Variants in ARMH1 observed in about 807,000 individuals in gnomAD.
ARMH1 encodes armadillo like helical domain containing 1.
A neutral mutation model predicts 50.2 loss-of-function variants in ARMH1; 34 were observed. The ratio of observed to expected loss-of-function variants is 0.68; its 90% CI spans 0.51 to 0.90. The LOEUF is 0.90. ARMH1 is among the 40% of genes least tolerant of loss of function. ARMH1 has a pLI of 0.00. For synonymous variants in ARMH1, 221 were observed against 224.2 expected (o/e 0.99, Z 0.13); for missense variants, 538 against 553.9 (o/e 0.97, Z 0.29).
intron 2 of ARMH1, among the ~76,000 whole-genome samples, chr1:44,691,543 G>A (rs1025690742): frequency 1.3e-5 from 2 of 151,960 alleles, no homozygotes; most frequent in African/African-American, 2.4e-5. Flanking sequence ...TGCATTTCCC[G>A]CTCTTCTTCA....
chr1:44,684,349 A>C (rs984491077), intron 1 of ARMH1: 3 of 152,228 alleles, frequency 2.0e-5, no homozygotes, highest in Admixed American at 2.0e-4. Context: ...TTAATTAAAT[A>C]TACTTAATGT....
At chr1:44,711,614 T>C (rs1480337457) in intron 6 of ARMH1, among the ~76,000 whole-genome samples, 2 of 152,236 alleles carry the variant, frequency 1.3e-5, no homozygotes, top group Non-Finnish European at 2.9e-5. Context: ...TTCACCTTCT[T>C]GATAATGTCC....
chr1:44,702,348 C>T (rs1026426105), intron 5 of ARMH1, among the ~76,000 whole-genome samples: 1 of 152,058 alleles, frequency 6.6e-6, no homozygotes, highest in African/African-American at 2.4e-5. Flanking sequence ...AGGTGTTTAC[C>T]AATCGAGAAT....
chr1:44,701,202 G>A (rs979124761), intron 5 of ARMH1, 83 bp downstream of exon 5: 8 of 1,343,392 alleles, frequency 6.0e-6, no homozygotes, highest in Non-Finnish European at 8.0e-6. Flanking sequence ...TCTCCACACA[G>A]GCATGAGAAA....
Position 44,701,099 on chromosome 1 carries a change from C to T in ARMH1, c.619C>T (p.Gln207Ter), listed in dbSNP as rs774401018. Residue 207 changes from glutamine (Q) to a stop codon, truncating the protein, a stop_gained, in exon 5 of 12, where the codon CAG becomes TAG. Coordinates refer to ENST00000535358, the MANE Select transcript of ARMH1 (RefSeq NM_001145636.2). LOFTEE classifies it high-confidence loss of function. The stretch of plus-strand genomic sequence containing the variant: ...CCCAAAAGCCCAGCAGCTGTCCCTG[C>T]AGACTCTCAGGACTGCCCAGGTGAG... ...ESPKAQQLSLQTLRTAQPIIG... is the reference protein window; with the variant it reads ...ESPKAQQLSL 3.0e-5 allele frequency: 46 copies of T among 1,550,986 alleles called. No homozygotes were observed. The highest frequency in any genetic ancestry group is 3.8e-5 in the Non-Finnish European group (43 of 1,146,620).
intron 6 of ARMH1, among the ~76,000 whole-genome samples, chr1:44,709,048 T>C (rs562263267): frequency 6.6e-6 from 1 of 152,268 alleles, no homozygotes; most frequent in South Asian, 2.1e-4. Context: ...CATTTAGGGA[T>C]GTACACCCCT....
chr1:44,700,775 G>C, intron 4 of ARMH1, 148 bp from the exon 5 acceptor site: 1 of 616,168 alleles, frequency 1.6e-6, no homozygotes, highest in Non-Finnish European at 2.8e-6. Flanking sequence ...ACAAGACAGT[G>C]ATGCAACATG....
intron 5 of ARMH1, among the ~76,000 whole-genome samples, chr1:44,703,176 A>G (rs1236157488): frequency 6.6e-6 from 1 of 152,140 alleles, no homozygotes; most frequent in African/African-American, 2.4e-5. Context: ...GAGGAAGAGA[A>G]GATTTTAGGA....
chr1:44,688,291 C>T (rs1645541510), intron 1 of ARMH1: 1 of 152,290 alleles, frequency 6.6e-6, no homozygotes. Context: ...TGGAAGCACG[C>T]ATCCCATGTC....
intron 6 of ARMH1, among the ~76,000 whole-genome samples, chr1:44,715,785 C>T (rs531706100): frequency 7.2e-5 from 11 of 152,318 alleles, no homozygotes; most frequent in African/African-American, 2.6e-4. Flanking sequence ...GTCTTCAACT[C>T]CTGGCCTCAA....
chr1:44,710,082 C>T (rs1329541820), intron 6 of ARMH1, among the ~76,000 whole-genome samples: 3 of 152,102 alleles, frequency 2.0e-5, no homozygotes, highest in Admixed American at 1.3e-4. Flanking sequence ...AGCGAACTCT[C>T]GCACTAACAC....
chr1:44,684,122 G>A (rs1645394228), intron 1 of ARMH1, among the ~76,000 whole-genome samples: 1 of 152,070 alleles, frequency 6.6e-6, no homozygotes, highest in Non-Finnish European at 1.5e-5. Context: ...CCTTCACCAG[G>A]AAACACAGCT....
intron 4 of ARMH1, among the ~76,000 whole-genome samples, chr1:44,700,238 G>A (rs1646007837): frequency 1.3e-5 from 2 of 152,188 alleles, no homozygotes; most frequent in African/African-American, 4.8e-5. Context: ...CATAAAGCGG[G>A]AGAAACACCT....
chr1:44,700,610 C>CA, intron 4 of ARMH1, among the ~76,000 whole-genome samples: 1 of 121,830 alleles, frequency 8.2e-6, no homozygotes, highest in South Asian at 2.6e-4. Flanking sequence ...ACAGAGACTC[C>CA]ATCTCAAAAA....
chr1:44,694,084 G>A (rs1202087371), intron 2 of ARMH1, among the ~76,000 whole-genome samples: 1 of 152,162 alleles, frequency 6.6e-6, no homozygotes, highest in Admixed American at 6.5e-5. Context: ...CATTTCTCAA[G>A]TGCCAATCAT....
chr1:44,704,038 T>TAA, intron 5 of ARMH1, 51 bp from the exon 6 acceptor site: 1 of 1,426,168 alleles, frequency 7.0e-7, no homozygotes, highest in Non-Finnish European at 9.6e-7. Context: ...GAATCCATCT[T>TAA]TAAAAAAAAA....
At position 44,704,024 on chromosome 1, in the gene ARMH1, C is replaced by T. The variant is rs555066756; in HGVS notation, c.640-65C>T. The T allele has an allele frequency of 2.0e-3, 2,704 of 1,384,606 alleles. 5 individuals are homozygous for T. Among genetic ancestry groups the T allele is most frequent in the Non-Finnish European group, 2.6e-3 (2,592 of 1,001,164 alleles). 85.8% of individuals were successfully genotyped at this position (1,384,606 alleles called of 1,614,324 possible). ...TACAGGCGTGAGCCACCGCACCCGG[C>T]CGGGAATCCATCTTTAAAAAAAAAA... On this transcript the variant is annotated intron_variant, in intron 5 of 11. Coordinates refer to ENST00000535358, the MANE Select transcript of ARMH1 (RefSeq NM_001145636.2).
At chr1:44,709,405 GC>G (rs2148706082) in intron 6 of ARMH1, among the ~76,000 whole-genome samples, 1 of 152,312 alleles carries the variant, frequency 6.6e-6, no homozygotes, top group South Asian at 2.1e-4. Flanking sequence ...AGGCGCGGTG[GC>G]TCACGCCTTT....
rs192718417 is a variant in ARMH1 at position 44,709,439 on chromosome 1, A to G, written c.724+5266A>G. 3.5e-3 allele frequency among the ~76,000 whole-genome samples: 540 copies of G among 152,208 alleles called. 1 individual carries two copies. Among genetic ancestry groups the G allele is most frequent in the African/African-American group, 6.1e-3 (255 of 41,528 alleles). ...TTTAATCCCAGCACTTTGGGAGGCCAAGGGGGGCGGATCACGAGGTCAGGA... is the reference window on the plus strand; with the variant it reads ...TTTAATCCCAGCACTTTGGGAGGCCGAGGGGGGCGGATCACGAGGTCAGGA... On this transcript the variant is annotated intron_variant, in intron 6 of 11. Coordinates refer to ENST00000535358, the MANE Select transcript of ARMH1 (RefSeq NM_001145636.2).
Sources: gnomAD v4.1 joint callset for allele counts (sites outside exome capture counted in the v4.1 genomes callset) on GRCh38, gnomAD v4.1.1 for gene constraint, MANE v1.5 for transcripts, NCBI Gene and HGNC (gene_info 2026-07-23, HGNC 2026-07-21) for gene names.